ECHDC3: variants seen among roughly 807,000 people sequenced by gnomAD.
ECHDC3 encodes enoyl-CoA hydratase domain containing 3.
Under a neutral mutation model 17.9 loss-of-function variants are expected in ECHDC3, and 20 were observed. The observed-to-expected ratio is 1.12, with a 90% CI of 0.79 to 1.63. The LOEUF is 1.63. Ranked by LOEUF, ECHDC3 falls within the 40% of genes most tolerant of loss-of-function variation. ECHDC3 has a pLI of 0.00. For synonymous variants in ECHDC3, 177 were observed against 149.7 expected (o/e 1.18, Z -1.33); for missense variants, 407 against 357.7 (o/e 1.14, Z -1.11).
intron 2 of ECHDC3, among the ~76,000 whole-genome samples, chr10:11,747,961 G>A (rs1308435838): frequency 6.6e-6 from 1 of 152,116 alleles, no homozygotes; most frequent in African/African-American, 2.4e-5. Flanking sequence ...TTCTTGTGAT[G>A]ATGGGACTGG....
chr10:11,743,712 G>A (rs960054115), intron 1 of ECHDC3, among the ~76,000 whole-genome samples: 14 of 152,204 alleles, frequency 9.2e-5, no homozygotes, highest in Non-Finnish European at 2.1e-4. Flanking sequence ...CCTTCCCTGT[G>A]GACCCCTTGC....
intron 4 of ECHDC3, among the ~76,000 whole-genome samples, chr10:11,758,119 A>C (rs1026584222): frequency 1.3e-5 from 2 of 152,202 alleles, no homozygotes; most frequent in African/African-American, 4.8e-5. Context: ...TGGCCGCCGC[A>C]GGGACCTGCT....
chr10:11,760,691 C>T (rs1832939494), intron 4 of ECHDC3, among the ~76,000 whole-genome samples: 1 of 152,162 alleles, frequency 6.6e-6, no homozygotes, highest in African/African-American at 2.4e-5. Flanking sequence ...GGGTAAGTGG[C>T]TGGGAGGAGC....
At position 11,763,425 on chromosome 10, in the gene ECHDC3, A is replaced by G. The variant is rs1385742900; in HGVS notation, c.793A>G (p.Thr265Ala). 1.2e-6 allele frequency: 1 copy of G among 807,720 alleles called. No homozygotes were observed. Among genetic ancestry groups the G allele is most frequent in the East Asian group, 2.4e-5 (1 of 41,374 alleles). 50.0% of individuals were successfully genotyped at this position (807,720 alleles called of 1,614,324 possible). A position where few individuals can be genotyped will look rare whatever the true frequency, so the allele number is the denominator to read the frequency against. ...CAAGCAGCTGCCCCAGGACCTGGGG[A>G]CGGCTTACTACCTCACCTCCCAGGC... is the stretch of plus-strand genomic sequence containing the variant. ...FYKQLPQDLG[T>A]AYYLTSQAMV... The change falls in exon 5 of 5, where the codon ACG becomes GCG. Residue 265 changes from threonine to alanine, a missense_variant. By Grantham distance (58) the Thr-to-Ala change is moderately conservative. Coordinates refer to ENST00000379215, the MANE Select transcript of ECHDC3 (RefSeq NM_024693.5). The surrounding 1 kb of genome is among the most constrained non-coding windows in gnomAD (Gnocchi z 4.9).
Position 11,761,290 on chromosome 10 carries a change from G to C in ECHDC3, c.592-1934G>C, listed in dbSNP as rs375665981. ...TCTTGATTGTCACAGCTTGGTGGGG[G>C]GTAGGTACTACTGATAACTAGAGAG... On this transcript the variant is annotated intron_variant, in intron 4 of 4. Coordinates refer to ENST00000379215, the MANE Select transcript of ECHDC3 (RefSeq NM_024693.5). 5.9e-5 allele frequency among the ~76,000 whole-genome samples: 9 copies of C among 152,282 alleles called. No individual in the cohort carries two copies. The East Asian group carries it at 1.7e-3, about 29-fold the overall frequency.
At chr10:11,758,230 T>G (rs7088450) in intron 4 of ECHDC3, among the ~76,000 whole-genome samples, 86,798 of 151,940 alleles carry the variant, frequency 0.57, 25,779 homozygotes, top group Middle Eastern at 0.66. Flanking sequence ...TGTAAAGAGC[T>G]TCTCTCCTTG....
intron 4 of ECHDC3, among the ~76,000 whole-genome samples, chr10:11,760,286 GGCTTGGGACCAGGCCCCGCCTGTGAA>G (rs1372678923): frequency 6.6e-6 from 1 of 152,216 alleles, no homozygotes; most frequent in Non-Finnish European, 1.5e-5. Context: ...GTGCCCAGCA[GGCTTGGGACCAGGCCCCGCCTGTGAA>G]GCTTGGACTC....
At chr10:11,751,709 C>G (rs1435130928) in intron 3 of ECHDC3, among the ~76,000 whole-genome samples, 1 of 152,200 alleles carries the variant, frequency 6.6e-6, no homozygotes, top group African/African-American at 2.4e-5. Context: ...ATGAGAAGAA[C>G]TTGGCTCTGG....
At chr10:11,760,852 T>G (rs557179206) in intron 4 of ECHDC3, among the ~76,000 whole-genome samples, 1 of 152,330 alleles carries the variant, frequency 6.6e-6, no homozygotes, top group African/African-American at 2.4e-5. Flanking sequence ...CAGGATCCGC[T>G]TTTTAGCTCC....
At chr10:11,745,776 T>C (rs1832752293) in intron 1 of ECHDC3, among the ~76,000 whole-genome samples, 1 of 152,208 alleles carries the variant, frequency 6.6e-6, no homozygotes, top group Non-Finnish European at 1.5e-5. Context: ...CAATCTGGTG[T>C]TTGGCTCTTT....
intron 3 of ECHDC3, among the ~76,000 whole-genome samples, chr10:11,750,921 C>G (rs1280010646): frequency 2.6e-5 from 4 of 152,068 alleles, no homozygotes; most frequent in Non-Finnish European, 4.4e-5. Context: ...TTCCAGAAAC[C>G]CATAAAGAGA....
intron 4 of ECHDC3, among the ~76,000 whole-genome samples, chr10:11,761,425 A>G (rs1588466408): frequency 6.6e-6 from 1 of 152,152 alleles, no homozygotes; most frequent in Non-Finnish European, 1.5e-5. Context: ...ACCCCACTCT[A>G]CATGCTGATG....
At chr10:11,752,656 A>C (rs12246559) in intron 3 of ECHDC3, among the ~76,000 whole-genome samples, 142,070 of 152,210 alleles carry the variant, frequency 0.93, 67,150 homozygotes, top group East Asian at 1. Flanking sequence ...TTGATTGCTT[A>C]CTATATGCCA....
chr10:11,749,970 AT>A (rs1380772438), intron 3 of ECHDC3, among the ~76,000 whole-genome samples: 3 of 151,458 alleles, frequency 2.0e-5, no homozygotes, highest in Non-Finnish European at 4.4e-5. Context: ...TAATTTTTGT[AT>A]TTTTAGTAGA....
chr10:11,749,541 A>C lies in ECHDC3; in HGVS notation c.339A>C (p.Thr113=). The change falls in exon 3 of 5, where the codon ACA becomes ACC. Residue 113 remains threonine (T), a synonymous_variant. Transcript: ENST00000379215. The stretch of plus-strand genomic sequence containing the variant: ...CTGGGCATGACTTAAAGGAGCTGAC[A>C]GAGGAGCAAGGCCGTGATTACCATG... ...FSSGHDLKEL[T]EEQGRDYHAE... The C allele has an allele frequency of 1.2e-6, 2 of 1,614,220 alleles. No individual in the cohort carries two copies. The highest frequency in any genetic ancestry group is 1.7e-6 in the Non-Finnish European group (2 of 1,180,042).
chr10:11,758,019 A>G (rs1260845278), intron 4 of ECHDC3, among the ~76,000 whole-genome samples: 1 of 152,026 alleles, frequency 6.6e-6, no homozygotes, highest in Admixed American at 6.6e-5. Flanking sequence ...CAGGGAAGCT[A>G]GCAGGTACTT....
chr10:11,747,285 T>A, intron 1 of ECHDC3, 64 bp from the exon 2 acceptor site: 1 of 1,586,236 alleles, frequency 6.3e-7, no homozygotes, highest in Non-Finnish European at 8.6e-7. Flanking sequence ...TAGACAGGAA[T>A]CGCAGGGGTC....
chr10:11,753,303 A>T (rs1475023517), intron 3 of ECHDC3, among the ~76,000 whole-genome samples: 1 of 152,198 alleles, frequency 6.6e-6, no homozygotes, highest in Non-Finnish European at 1.5e-5. Flanking sequence ...GAGTCACTTG[A>T]ACCCGGGAGG....
At chr10:11,752,848 T>G (rs1564283729) in intron 3 of ECHDC3, among the ~76,000 whole-genome samples, 2 of 152,234 alleles carry the variant, frequency 1.3e-5, no homozygotes, top group Non-Finnish European at 2.9e-5. Context: ...TCCAGACCAC[T>G]GCATAAGCTC....
Sources: gnomAD v4.1 joint callset for allele counts (sites outside exome capture counted in the v4.1 genomes callset) on GRCh38, gnomAD v4.1.1 for gene constraint, Gnocchi (gnomAD v3.1) non-coding constraint, MANE v1.5 for transcripts, NCBI Gene and HGNC (gene_info 2026-07-23, HGNC 2026-07-21) for gene names.